TENM3: variants seen among roughly 807,000 people sequenced by gnomAD.
TENM3 encodes the protein teneurin transmembrane protein 3, also known as teneurin-3.
A neutral mutation model predicts 255.1 loss-of-function variants in TENM3; 63 were observed. That is an observed-to-expected ratio of 0.25 (90% CI 0.20 to 0.30). TENM3 has a LOEUF of 0.30. TENM3 is among the 10% of genes least tolerant of loss of function. The probability of loss-of-function intolerance (pLI) is 1.00; values close to 1 mark genes in which losing one functional copy is unlikely to be tolerated. For synonymous variants in TENM3, 1,306 were observed against 1,322.3 expected (o/e 0.99, Z 0.27); for missense variants, 2,929 against 3,461.1 (o/e 0.85, Z 3.86).
intron 8 of TENM3, 139 bp from the exon 9 acceptor site, chr4:182,680,109 T>C (rs556530592): frequency 5.1e-5 from 38 of 752,356 alleles, no homozygotes; most frequent in Non-Finnish European, 7.8e-5. Context: ...TGAAACACTT[T>C]GAAAATCTGC....
chr4:182,089,457 T>A, the TENM3 span, among the ~76,000 whole-genome samples: 1 of 152,064 alleles, frequency 6.6e-6, no homozygotes, highest in Non-Finnish European at 1.5e-5. Flanking sequence ...CCACAGGAAC[T>A]CAAAAGAAAA....
intron 18 of TENM3, among the ~76,000 whole-genome samples, chr4:182,742,436 G>T (rs1190219268): frequency 6.6e-6 from 1 of 152,204 alleles, no homozygotes; most frequent in Non-Finnish European, 1.5e-5. Flanking sequence ...ATAACCGCAT[G>T]TATATGCATT....
chr4:181,647,223 G>A, the TENM3 span, among the ~76,000 whole-genome samples: 7 of 152,174 alleles, frequency 4.6e-5, no homozygotes, highest in Non-Finnish European at 8.8e-5. Context: ...GTAGATGAGT[G>A]CAAAACAACA....
the TENM3 span, among the ~76,000 whole-genome samples, chr4:181,485,896 A>C: frequency 6.6e-6 from 1 of 152,126 alleles, no homozygotes; most frequent in African/African-American, 2.4e-5. Flanking sequence ...AAAATGTTAA[A>C]TGCAAAGATT....
intron 5 of TENM3, among the ~76,000 whole-genome samples, chr4:182,651,875 T>C (rs1403533323): frequency 2.6e-5 from 4 of 152,192 alleles, no homozygotes; most frequent in Non-Finnish European, 5.9e-5. Context: ...CAAAAGAATG[T>C]GGACTGTTAA....
the TENM3 span, among the ~76,000 whole-genome samples, chr4:181,632,267 G>T: frequency 1.3e-5 from 2 of 152,140 alleles, no homozygotes; most frequent in African/African-American, 2.4e-5. Context: ...GTCATATCTC[G>T]TGAGAACTAA....
chr4:181,591,983 A>G, the TENM3 span, among the ~76,000 whole-genome samples: 62 of 152,014 alleles, frequency 4.1e-4, no homozygotes, highest in Admixed American at 7.9e-4. Flanking sequence ...TCCATACTCT[A>G]TGATTTCATT....
At chr4:181,807,982 A>T in the TENM3 span, among the ~76,000 whole-genome samples, 73,160 of 152,020 alleles carry the variant, frequency 0.48, 18,937 homozygotes, top group Non-Finnish European at 0.58. Context: ...TCACTTCCTG[A>T]TGTAAACAGT....
At position 182,799,084 on chromosome 4, in the gene TENM3, T is replaced by A. The variant is rs1766705188; in HGVS notation, c.7345-512T>A. 1.3e-5 allele frequency among the ~76,000 whole-genome samples: 2 copies of A among 152,230 alleles called. No homozygotes were observed. The highest frequency in any genetic ancestry group is 4.1e-4 in the South Asian group (2 of 4,834). On this transcript the variant is annotated intron_variant, in intron 27 of 27. Transcript: ENST00000511685. The surrounding 1 kb of genome is among the most constrained non-coding windows in gnomAD (Gnocchi z 4.2). ...TGCGGTTACACTCACCATCTTCAGC[T>A]GAAAACTCTGCCAGGAGAGGGGACA...
the TENM3 span, among the ~76,000 whole-genome samples, chr4:181,919,583 G>C: frequency 6.6e-6 from 1 of 151,982 alleles, no homozygotes; most frequent in Non-Finnish European, 1.5e-5. Context: ...TTGAAAGTAG[G>C]TTGAAAGGTG....
intron 19 of TENM3, among the ~76,000 whole-genome samples, chr4:182,750,803 T>C (rs545235471): frequency 1.8e-4 from 27 of 152,294 alleles, no homozygotes; most frequent in Admixed American, 1.2e-3. Context: ...TGGAGTTTGA[T>C]AGATTCCCAT....
At chr4:182,269,806 G>A (rs772315370) in intron 1 of TENM3, among the ~76,000 whole-genome samples, 3 of 152,144 alleles carry the variant, frequency 2.0e-5, no homozygotes, top group African/African-American at 4.8e-5. Context: ...AATGGCCATG[G>A]CTCGGGGAAC....
chr4:182,445,397 T>C (rs1196527196), intron 3 of TENM3, among the ~76,000 whole-genome samples: 1 of 152,222 alleles, frequency 6.6e-6, no homozygotes, highest in East Asian at 1.9e-4. Flanking sequence ...CTATTTAGTA[T>C]AGCTATGAGT....
At chr4:182,195,267 C>G (rs1055416963) in intron 1 of TENM3, among the ~76,000 whole-genome samples, 3 of 152,132 alleles carry the variant, frequency 2.0e-5, no homozygotes, top group Non-Finnish European at 4.4e-5. Flanking sequence ...CCCTGTATGT[C>G]TAGGGCAGGC....
the TENM3 span, among the ~76,000 whole-genome samples, chr4:181,836,005 T>A: frequency 6.6e-6 from 1 of 152,110 alleles, no homozygotes; most frequent in East Asian, 1.9e-4. Context: ...TTTTTGACAG[T>A]GGGGAGGATA....
chr4:181,965,077 A>C, the TENM3 span, among the ~76,000 whole-genome samples: 2 of 152,214 alleles, frequency 1.3e-5, no homozygotes, highest in African/African-American at 4.8e-5. Context: ...TTAGATGTGT[A>C]AAATATTTCC....
the TENM3 span, among the ~76,000 whole-genome samples, chr4:181,824,812 C>T: frequency 6.6e-6 from 1 of 152,158 alleles, no homozygotes; most frequent in Non-Finnish European, 1.5e-5. Context: ...CTATATTCTA[C>T]TCGGTGTCCT....
chr4:182,108,456 C>A, the TENM3 span, among the ~76,000 whole-genome samples: 8 of 152,134 alleles, frequency 5.3e-5, no homozygotes. Flanking sequence ...GGAAATATAA[C>A]ATTCTTATAA....
the TENM3 span, among the ~76,000 whole-genome samples, chr4:181,530,368 G>A: frequency 1.6e-4 from 24 of 152,302 alleles, 2 homozygotes; most frequent in African/African-American, 4.8e-4. Context: ...TCAGCGCGTG[G>A]AGGTGGCCAG....
Sources: gnomAD v4.1 joint callset for allele counts (sites outside exome capture counted in the v4.1 genomes callset) on GRCh38, gnomAD v4.1.1 for gene constraint, Gnocchi (gnomAD v3.1) non-coding constraint, MANE v1.5 for transcripts, NCBI Gene and HGNC (gene_info 2026-07-23, HGNC 2026-07-21) for gene names.